The following PPP3CA variants were observed in gnomAD, a reference collection of about 807,000 sequenced individuals.
PPP3CA encodes CAM-PRP catalytic subunit.
PPP3CA carries 14 observed loss-of-function variants against 66.5 expected under a neutral mutation model. The observed-to-expected ratio is 0.21, with a 90% confidence interval of 0.14 to 0.33. PPP3CA has a LOEUF of 0.33. Ranked by LOEUF, PPP3CA falls within the 10% of genes least tolerant of loss-of-function variation. PPP3CA has a pLI of 1.00. For synonymous variants in PPP3CA, 232 were observed against 226.2 expected (o/e 1.03, Z -0.23); for missense variants, 317 against 639.5 (o/e 0.50, Z 5.44).
At chr4:101,298,339 G>GATATATATATATATATATAT (rs3078022) in intron 1 of PPP3CA, among the ~76,000 whole-genome samples, 2 of 143,782 alleles carry the variant, frequency 1.4e-5, no homozygotes, top group African/African-American at 5.1e-5. Context: ...CAAGCAGGGA[G>GATATATATATATATATATAT]ATATATATAT....
chr4:101,066,415 G>C (rs1728683013), intron 8 of PPP3CA, among the ~76,000 whole-genome samples: 1 of 152,006 alleles, frequency 6.6e-6, no homozygotes, highest in South Asian at 2.1e-4. Flanking sequence ...TTCCAGATCT[G>C]AATGATGTTA....
chr4:101,079,993 A>G (rs374341802), intron 8 of PPP3CA, among the ~76,000 whole-genome samples: 1 of 152,216 alleles, frequency 6.6e-6, no homozygotes, highest in Non-Finnish European at 1.5e-5. Flanking sequence ...CATATTAAAG[A>G]AGGAGGAGGT....
chr4:101,217,950 G>A (rs898176486), intron 1 of PPP3CA, among the ~76,000 whole-genome samples: 2 of 152,072 alleles, frequency 1.3e-5, no homozygotes, highest in South Asian at 2.1e-4. Flanking sequence ...CAGAGGCCCC[G>A]AGTGACGCTC....
At chr4:101,113,688 A>G (rs1721750271) in intron 2 of PPP3CA, among the ~76,000 whole-genome samples, 1 of 152,132 alleles carries the variant, frequency 6.6e-6, no homozygotes, top group South Asian at 2.1e-4. Context: ...AAAGTGGTCA[A>G]CATACTAAAG....
chr4:101,252,896 A>G (rs570715535), intron 1 of PPP3CA, among the ~76,000 whole-genome samples: 6 of 152,286 alleles, frequency 3.9e-5, no homozygotes, highest in African/African-American at 1.4e-4. Flanking sequence ...GGGTAAAGTG[A>G]AACAGTGGAG....
At chr4:101,344,071 T>C (rs2110344733) in intron 1 of PPP3CA, among the ~76,000 whole-genome samples, 1 of 152,254 alleles carries the variant, frequency 6.6e-6, no homozygotes, top group East Asian at 1.9e-4. Context: ...GGAGCACAAA[T>C]ACTTCCTCAA....
chr4:101,249,728 T>A (rs905075443), intron 1 of PPP3CA, among the ~76,000 whole-genome samples: 43 of 152,328 alleles, frequency 2.8e-4, no homozygotes, highest in Admixed American at 1.9e-3. Flanking sequence ...ATTCTTAATA[T>A]AGGACAGAAA....
intron 12 of PPP3CA, among the ~76,000 whole-genome samples, chr4:101,031,192 C>T (rs1469780371): frequency 1.3e-5 from 2 of 151,954 alleles, no homozygotes; most frequent in Non-Finnish European, 2.9e-5. Context: ...CATTACTCTT[C>T]ATGTAGAAGT....
At chr4:101,179,793 T>C (rs1724178443) in intron 2 of PPP3CA, among the ~76,000 whole-genome samples, 1 of 152,192 alleles carries the variant, frequency 6.6e-6, no homozygotes, top group South Asian at 2.1e-4. Flanking sequence ...CTTCCATGTC[T>C]AGAAGAAATG....
At chr4:101,250,763 T>C (rs1282643932) in intron 1 of PPP3CA, among the ~76,000 whole-genome samples, 1 of 152,144 alleles carries the variant, frequency 6.6e-6, no homozygotes, top group Admixed American at 6.5e-5. Context: ...TGAGGTTAAA[T>C]TTTTTCCAAC....
intron 1 of PPP3CA, among the ~76,000 whole-genome samples, chr4:101,327,313 A>C (rs955684248): frequency 2.0e-5 from 3 of 152,190 alleles, no homozygotes; most frequent in Admixed American, 2.0e-4. Flanking sequence ...TCCATAAGAA[A>C]AAATTCTAAA....
intron 2 of PPP3CA, among the ~76,000 whole-genome samples, chr4:101,114,405 C>A (rs1006534212): frequency 1.3e-5 from 2 of 152,004 alleles, no homozygotes; most frequent in Non-Finnish European, 2.9e-5. Flanking sequence ...TGAGAAATAA[C>A]CTGTCATTTG....
At chr4:101,030,563 C>A (rs1364505490) in intron 12 of PPP3CA, among the ~76,000 whole-genome samples, 1 of 151,914 alleles carries the variant, frequency 6.6e-6, no homozygotes, top group South Asian at 2.1e-4. Context: ...TAGGTTGAAC[C>A]ATAGAAAAAC....
intron 2 of PPP3CA, among the ~76,000 whole-genome samples, chr4:101,158,705 T>C (rs1723406401): frequency 6.6e-6 from 1 of 152,112 alleles, no homozygotes; most frequent in Non-Finnish European, 1.5e-5. Context: ...GTCAGTCAAT[T>C]GTTGTTTGGT....
intron 1 of PPP3CA, among the ~76,000 whole-genome samples, chr4:101,306,998 G>A (rs967022367): frequency 1.3e-5 from 2 of 152,068 alleles, no homozygotes. Context: ...TATATCTGAG[G>A]GAATGCATGC....
chr4:101,217,916 T>C (rs1464148840), intron 1 of PPP3CA, among the ~76,000 whole-genome samples: 1 of 152,088 alleles, frequency 6.6e-6, no homozygotes, highest in African/African-American at 2.4e-5. Flanking sequence ...TCTACATTCC[T>C]GCATGGGGTA....
chr4:101,141,951 C>T (rs1199853715), intron 2 of PPP3CA, among the ~76,000 whole-genome samples: 3 of 151,432 alleles, frequency 2.0e-5, no homozygotes, highest in East Asian at 1.9e-4. Flanking sequence ...CACTTAGTTG[C>T]GGTACAATAA....
chr4:101,026,441 T>C (rs1405641830), intron 13 of PPP3CA, among the ~76,000 whole-genome samples: 2 of 152,302 alleles, frequency 1.3e-5, no homozygotes, highest in East Asian at 3.9e-4. Flanking sequence ...CACCTTAACC[T>C]AGACAGGCTG....
At chr4:101,302,289 C>T (rs1016938165) in intron 1 of PPP3CA, among the ~76,000 whole-genome samples, 2 of 152,196 alleles carry the variant, frequency 1.3e-5, no homozygotes, top group Non-Finnish European at 2.9e-5. Context: ...GTTTGAACAT[C>T]TTTAAAATGC....
Sources: allele counts gnomAD v4.1 joint callset (sites outside exome capture counted in the v4.1 genomes callset), GRCh38; gene constraint gnomAD v4.1.1; transcripts MANE v1.5; gene names NCBI Gene and HGNC (gene_info 2026-07-23, HGNC 2026-07-21).